MTUS2: variants seen among roughly 807,000 people sequenced by gnomAD.
MTUS2 encodes the protein microtubule-associated tumor suppressor candidate 2.
In MTUS2, 40 loss-of-function variants were observed where a neutral mutation model predicts 114.1. The ratio of observed to expected loss-of-function variants is 0.35; its 90% CI spans 0.27 to 0.46. MTUS2 has a LOEUF of 0.46. Among genes scored for constraint, MTUS2 ranks in the 20% least tolerant of loss-of-function variants. The pLI is 1.00. For missense variants in MTUS2, 1,679 were observed against 1,705.4 expected, an observed-to-expected ratio of 0.98 and a Z score of 0.27; for synonymous variants, 688 against 672.0, an observed-to-expected ratio of 1.02 and a Z score of -0.37.
In MTUS2 at chr13:29,217,491, A is replaced by G. The variant is rs1164503457; in HGVS notation, c.2645-64213A>G. ...ATAGCATTATGTCTAAAAAATATAC[A>G]TACCTTAATTTAAAAATACTTTATT... On this transcript the variant is annotated intron_variant, in intron 5 of 15. Transcript: ENST00000612955. 3.3e-5 allele frequency among the ~76,000 whole-genome samples: 5 copies of G among 152,358 alleles called. No individual in the cohort carries two copies. In the East Asian group the frequency reaches 7.7e-4, roughly 23 times the overall value.
intron 2 of MTUS2, among the ~76,000 whole-genome samples, chr13:29,013,769 T>C (rs1239044958): frequency 2.7e-5 from 3 of 112,660 alleles, no homozygotes; most frequent in Admixed American, 8.9e-5. Flanking sequence ...TGTTAAACTA[T>C]CCACACACAC....
At chr13:28,930,973 G>A (rs1016574927) in intron 2 of MTUS2, among the ~76,000 whole-genome samples, 5 of 152,208 alleles carry the variant, frequency 3.3e-5, no homozygotes, top group Non-Finnish European at 5.9e-5. Context: ...ATAGTGGAGT[G>A]GGCAGACCTG....
chr13:28,845,905 A>C (rs568119651), intron 2 of MTUS2, among the ~76,000 whole-genome samples: 1 of 152,088 alleles, frequency 6.6e-6, no homozygotes, highest in Admixed American at 6.5e-5. Context: ...AGCACTCAAT[A>C]ATATAACAGT....
intron 9 of MTUS2, among the ~76,000 whole-genome samples, chr13:29,474,285 G>A (rs1282713584): frequency 6.6e-6 from 1 of 152,168 alleles, no homozygotes; most frequent in Non-Finnish European, 1.5e-5. Flanking sequence ...TCATTTCTGA[G>A]CCTCTAGTAG....
At chr13:29,470,504 G>T (rs1880206929) in intron 9 of MTUS2, among the ~76,000 whole-genome samples, 1 of 152,144 alleles carries the variant, frequency 6.6e-6, no homozygotes, top group Non-Finnish European at 1.5e-5. Flanking sequence ...CTGAGTCCAA[G>T]TCATCACTGA....
At chr13:29,428,839 C>T (rs372296441) in intron 8 of MTUS2, 3 of 1,613,712 alleles carry the variant, frequency 1.9e-6, no homozygotes, top group African/African-American at 1.3e-5. Flanking sequence ...GCCAGCCTGC[C>T]GGGATGGGCC....
chr13:29,034,399 G>C (rs1886968400), intron 4 of MTUS2, among the ~76,000 whole-genome samples: 1 of 152,172 alleles, frequency 6.6e-6, no homozygotes, highest in South Asian at 2.1e-4. Flanking sequence ...ACAAGGCTCA[G>C]AAGTTGTTTT....
intron 8 of MTUS2, among the ~76,000 whole-genome samples, chr13:29,415,133 C>G (rs148913059): frequency 6.6e-6 from 1 of 150,424 alleles, no homozygotes; most frequent in African/African-American, 2.4e-5. Context: ...TCTTTTTTTC[C>G]TTTTTGCATT....
intron 8 of MTUS2, among the ~76,000 whole-genome samples, chr13:29,409,110 A>G (rs1875022809): frequency 1.3e-5 from 2 of 152,302 alleles, no homozygotes; most frequent in South Asian, 4.1e-4. Context: ...ACCTGAGGTC[A>G]GGAGTTTGAG....
At chr13:28,898,663 C>G (rs1331715955) in intron 2 of MTUS2, among the ~76,000 whole-genome samples, 2 of 152,226 alleles carry the variant, frequency 1.3e-5, no homozygotes, top group African/African-American at 2.4e-5. Flanking sequence ...CTGACAATTA[C>G]ACCAGAACTT....
At chr13:29,386,883 G>A (rs1872662292) in intron 8 of MTUS2, among the ~76,000 whole-genome samples, 1 of 152,154 alleles carries the variant, frequency 6.6e-6, no homozygotes, top group South Asian at 2.1e-4. Context: ...GATAAGGCCT[G>A]CTCTTTCCAC....
intron 2 of MTUS2, among the ~76,000 whole-genome samples, chr13:28,972,859 A>C (rs945463153): frequency 5.3e-5 from 8 of 152,196 alleles, no homozygotes; most frequent in African/African-American, 1.9e-4. Flanking sequence ...TTTGCTGCAG[A>C]CTTTTTAAGA....
chr13:29,389,388 C>CATAT (rs1566172758), intron 8 of MTUS2, among the ~76,000 whole-genome samples: 8 of 13,888 alleles, frequency 5.8e-4, no homozygotes, highest in Non-Finnish European at 1.7e-3. Context: ...TATGTATACA[C>CATAT]GTGTGTGTAT....
intron 5 of MTUS2, among the ~76,000 whole-genome samples, chr13:29,272,113 C>T (rs1897902317): frequency 6.6e-6 from 1 of 152,026 alleles, no homozygotes; most frequent in Non-Finnish European, 1.5e-5. Flanking sequence ...TACTTTAGGC[C>T]TTTAATGTGA....
intron 6 of MTUS2, among the ~76,000 whole-genome samples, chr13:29,309,309 C>T (rs1899637833): frequency 6.6e-6 from 1 of 152,122 alleles, no homozygotes; most frequent in Non-Finnish European, 1.5e-5. Context: ...AAGCCATTAT[C>T]CTCAGAAAAC....
At chr13:28,923,855 C>T (rs1212353564) in intron 2 of MTUS2, among the ~76,000 whole-genome samples, 1 of 152,102 alleles carries the variant, frequency 6.6e-6, no homozygotes, top group African/African-American at 2.4e-5. Context: ...TGCAGGTCTC[C>T]CTGGTGCCTG....
At chr13:28,919,679 A>C (rs1221557911) in intron 2 of MTUS2, among the ~76,000 whole-genome samples, 1 of 151,978 alleles carries the variant, frequency 6.6e-6, no homozygotes, top group East Asian at 1.9e-4. Flanking sequence ...CTCTGTCTCT[A>C]CTTTCTCTTT....
intron 8 of MTUS2, among the ~76,000 whole-genome samples, chr13:29,422,149 C>T (rs1338206290): frequency 1.3e-5 from 2 of 152,182 alleles, no homozygotes; most frequent in Non-Finnish European, 2.9e-5. Flanking sequence ...GCCTGAAGTT[C>T]TACAGGCCTT....
intron 8 of MTUS2, among the ~76,000 whole-genome samples, chr13:29,435,799 A>C (rs1222093526): frequency 6.6e-6 from 1 of 152,212 alleles, no homozygotes; most frequent in Non-Finnish European, 1.5e-5. Flanking sequence ...AAAAACAAGC[A>C]CTTATGGAGG....
Sources: gnomAD v4.1 joint callset for allele counts (sites outside exome capture counted in the v4.1 genomes callset) on GRCh38, gnomAD v4.1.1 for gene constraint, MANE v1.5 for transcripts, NCBI Gene and HGNC (gene_info 2026-07-23, HGNC 2026-07-21) for gene names.